ZFR2: variants seen among roughly 807,000 people sequenced by gnomAD.
The protein encoded by ZFR2 is zinc finger RNA-binding protein 2.
In ZFR2, 104 loss-of-function variants were observed where a neutral mutation model predicts 105.7. The ratio of observed to expected loss-of-function variants is 0.98; its 90% CI spans 0.84 to 1.16. The LOEUF (loss-of-function observed/expected upper bound fraction) is 1.16, where lower values mean the gene tolerates loss of function less well. Ranked by LOEUF, ZFR2 falls within the 50% of genes most tolerant of loss-of-function variation. The probability of loss-of-function intolerance (pLI) is 0.00; values close to 1 mark genes in which losing one functional copy is unlikely to be tolerated. For missense variants in ZFR2, 1,425 were observed against 1,355.5 expected, an observed-to-expected ratio of 1.05 and a Z score of -0.80; for synonymous variants, 634 against 597.7, an observed-to-expected ratio of 1.06 and a Z score of -0.89.
At chr19:3,854,683 G>A (rs2145185999) in intron 1 of ZFR2, among the ~76,000 whole-genome samples, 1 of 152,312 alleles carries the variant, frequency 6.6e-6, no homozygotes, top group South Asian at 2.1e-4. Context: ...TAAACTCACA[G>A]GACAGGAAGT....
In ZFR2 at chr19:3,811,547, G is replaced by A. The variant is rs548506042; in HGVS notation, c.2243-181C>T. On this transcript the variant is annotated intron_variant, in intron 14 of 18. Coordinates refer to ENST00000262961, the MANE Select transcript of ZFR2 (RefSeq NM_015174.2). ...TTGGCTCACTGCAACCTCTGTCTCC[G>A]GGGTTCAAGTGATTCTCCTGCCTCA... Among the ~76,000 whole-genome samples, 585 of 149,236 alleles carry A rather than the reference G, an allele frequency of 3.9e-3. 7 individuals carry two copies. Among genetic ancestry groups the A allele is most frequent in the Admixed American group, 0.031 (468 of 14,988 alleles).
At position 3,813,336 on chromosome 19, in the gene ZFR2, C is replaced by T. The variant is rs1056130181; in HGVS notation, c.2242+484G>A. Among the ~76,000 whole-genome samples the T allele has an allele frequency of 2.6e-5, 4 of 152,160 alleles. No homozygotes were observed. The highest frequency in any genetic ancestry group is 5.9e-5 in the Non-Finnish European group (4 of 68,034). ...CGCTGCCCCTAGCCTGGCCCGGCCC[C>T]TCACCCACCCTCCCAGGCCTGGCAG... On this transcript the variant is annotated intron_variant, in intron 14 of 18. Coordinates refer to ENST00000262961, the MANE Select transcript of ZFR2 (RefSeq NM_015174.2). This position sits in a 1 kb window ranked among gnomAD's most constrained non-coding sequence, Gnocchi z 4.4.
intron 1 of ZFR2, among the ~76,000 whole-genome samples, chr19:3,857,443 A>C (rs1373504469): frequency 6.7e-6 from 1 of 150,124 alleles, no homozygotes; most frequent in African/African-American, 2.5e-5. Flanking sequence ...GGTGGCTCAC[A>C]CCTGTGATCC....
At chr19:3,833,574 TAAAAA>T in intron 3 of ZFR2, 85 bp downstream of exon 3, 1 of 816,806 alleles carries the variant, frequency 1.2e-6, no homozygotes, top group Non-Finnish European at 1.8e-6. Context: ...AGACTCTGTC[TAAAAA>T]AAAAAAAAAG....
Position 3,810,854 on chromosome 19 carries a change from G to A in ZFR2, c.2338-9C>T. 5 of 1,550,084 alleles carry A rather than the reference G, an allele frequency of 3.2e-6. No individual in the cohort carries two copies. The highest frequency in any genetic ancestry group is 1.2e-5 in the South Asian group (1 of 84,014). Reference sequence around the variant, plus strand: ...AGGCCGCTGGCTCGAGCCTTCGGGGGAGAAGCACACGGTTAGCTTTCAGGG... The same window carrying A: ...AGGCCGCTGGCTCGAGCCTTCGGGGAAGAAGCACACGGTTAGCTTTCAGGG... On this transcript the variant is annotated splice_polypyrimidine_tract_variant and intron_variant, in intron 15 of 18. Transcript: ENST00000262961.
At chr19:3,817,192 G>A (rs1263687106) in intron 12 of ZFR2, among the ~76,000 whole-genome samples, 3 of 152,086 alleles carry the variant, frequency 2.0e-5, no homozygotes, top group Non-Finnish European at 2.9e-5. Context: ...CTGTTGTTTC[G>A]GCTCCACATG....
At chr19:3,862,032 G>A (rs1300655223) in intron 1 of ZFR2, among the ~76,000 whole-genome samples, 1 of 152,040 alleles carries the variant, frequency 6.6e-6, no homozygotes, top group Admixed American at 6.5e-5. Context: ...TATCTGATCA[G>A]GGCCTTTGTC....
Position 3,833,911 on chromosome 19 carries a change from A to G in ZFR2, c.265-133T>C, listed in dbSNP as rs1381473508. The G allele has an allele frequency of 1.1e-5, 7 of 662,714 alleles. No individual in the cohort carries two copies. In the South Asian group the frequency reaches 1.1e-4, roughly 10 times the overall value. 41.1% of individuals were successfully genotyped at this position (662,714 alleles called of 1,614,324 possible). A position where few individuals can be genotyped will look rare whatever the true frequency, so the allele number is the denominator to read the frequency against. ...AGCGCTGGCTCCTAAGCGTCTGCCC[A>G]GGACCAGGCCCTGGCCCGGAGGCAG... On this transcript the variant is annotated intron_variant, in intron 2 of 18. Coordinates refer to ENST00000262961, the MANE Select transcript of ZFR2 (RefSeq NM_015174.2).
Position 3,823,327 on chromosome 19 carries a change from T to C in ZFR2, c.1290A>G (p.Gly430=). The part of the protein sequence containing the change: ...KPAQPKLEGP[G]APTQGGSKEA... ...CCTTTGAGCCTCCTTGGGTAGGTGC[T>C]CCGGGACCCTCTAATTTAGGTTGGG... is the stretch of plus-strand genomic sequence containing the variant. Residue 430 remains glycine (G), a synonymous_variant, in exon 8 of 19, where the codon GGA becomes GGG. Transcript: ENST00000262961. This position sits in a 1 kb window ranked among gnomAD's most constrained non-coding sequence, Gnocchi z 5.4. 6.2e-7 allele frequency: 1 copy of C among 1,614,006 alleles called. No individual in the cohort carries two copies. The highest frequency in any genetic ancestry group is 8.5e-7 in the Non-Finnish European group (1 of 1,179,880).
At chr19:3,855,413 T>C (rs752958793) in intron 1 of ZFR2, 58 of 1,231,532 alleles carry the variant, frequency 4.7e-5, no homozygotes, top group South Asian at 8.2e-5. Context: ...TGACAGAAAG[T>C]GAAAGCAGTC....
rs533955032 is a variant in ZFR2 at position 3,811,187 on chromosome 19, C to A, written c.2337+85G>T. 187 of 1,338,628 alleles carry A rather than the reference C, an allele frequency of 1.4e-4. No individual in the cohort carries two copies. The African/African-American group carries it at 2.6e-3, about 19-fold the overall frequency. The allele number at this position is 1,338,628 out of a possible 1,614,324, so 82.9% of individuals were successfully genotyped here. On this transcript the variant is annotated intron_variant, in intron 15 of 18. Transcript: ENST00000262961. Reference sequence around the variant, plus strand: ...GCGCTGGGAGCCCACGGGGCTGAGGCGGCCGCGCCGGGTTGACCTGGTGCC... The same window carrying A: ...GCGCTGGGAGCCCACGGGGCTGAGGAGGCCGCGCCGGGTTGACCTGGTGCC...
At chr19:3,832,542 G>C (rs556044606) in intron 3 of ZFR2, among the ~76,000 whole-genome samples, 1 of 151,644 alleles carries the variant, frequency 6.6e-6, no homozygotes, top group South Asian at 2.1e-4. Context: ...GGATGGTCTC[G>C]ATCGCTTGAC....
At chr19:3,809,021 G>T (rs184441018) in intron 16 of ZFR2, 38 bp from the exon 17 acceptor site, 7 of 1,478,952 alleles carry the variant, frequency 4.7e-6, no homozygotes, top group Admixed American at 2.2e-5. Context: ...TGTTTTGGGC[G>T]CGCGGCAGCC....
At chr19:3,861,861 C>T (rs369468617) in intron 1 of ZFR2, among the ~76,000 whole-genome samples, 2 of 151,634 alleles carry the variant, frequency 1.3e-5, no homozygotes, top group South Asian at 2.1e-4. Context: ...GTGAGCCAGA[C>T]GTTGCAGTGA....
intron 1 of ZFR2, among the ~76,000 whole-genome samples, chr19:3,847,825 G>A (rs560236640): frequency 5.8e-4 from 89 of 152,232 alleles, no homozygotes; most frequent in African/African-American, 2.0e-3. Flanking sequence ...AAGAGTCAAC[G>A]GCAAAGAGGC....
intron 17 of ZFR2, 72 bp from the exon 18 acceptor site, chr19:3,807,341 C>G (rs2037708540): frequency 4.2e-6 from 5 of 1,200,384 alleles, no homozygotes; most frequent in Non-Finnish European, 6.0e-6. Flanking sequence ...AGGGCCGTCC[C>G]TCGACACCGT....
chr19:3,822,360 T>C (rs1156700293), intron 8 of ZFR2, among the ~76,000 whole-genome samples, 160 bp from the exon 9 acceptor site: 2 of 151,562 alleles, frequency 1.3e-5, no homozygotes, highest in Middle Eastern at 3.4e-3. Flanking sequence ...CAAGCTGGAG[T>C]GGAGTACAGT....
chr19:3,817,242 T>C (rs918926779), intron 12 of ZFR2, among the ~76,000 whole-genome samples: 1 of 152,070 alleles, frequency 6.6e-6, no homozygotes, highest in African/African-American at 2.4e-5. Context: ...CTTTCTGCTC[T>C]TGCTTCACGG....
intron 1 of ZFR2, among the ~76,000 whole-genome samples, chr19:3,855,173 G>A (rs1466654496): frequency 6.6e-6 from 1 of 152,164 alleles, no homozygotes; most frequent in Non-Finnish European, 1.5e-5. Flanking sequence ...TGGGATTACT[G>A]GCATAAGCCA....
Sources: allele counts gnomAD v4.1 joint callset (sites outside exome capture counted in the v4.1 genomes callset), GRCh38; gene constraint gnomAD v4.1.1; non-coding constraint Gnocchi (gnomAD v3.1); transcripts MANE v1.5; gene names NCBI Gene and HGNC (gene_info 2026-07-23, HGNC 2026-07-21).